The following LRRTM3 variants were observed in gnomAD, a reference collection of about 807,000 sequenced individuals.
LRRTM3 encodes the protein leucine-rich repeat transmembrane neuronal protein 3.
A neutral mutation model predicts 44.7 loss-of-function variants in LRRTM3; 24 were observed. That is an observed-to-expected ratio of 0.54 (90% CI 0.39 to 0.76). The LOEUF (loss-of-function observed/expected upper bound fraction) is 0.76. Among genes scored for constraint, LRRTM3 ranks in the 30% least tolerant of loss-of-function variants. The pLI is 0.00. For synonymous variants in LRRTM3, 277 were observed against 278.7 expected, an observed-to-expected ratio of 0.99 and a Z score of 0.06; for missense variants, 587 against 702.2, an observed-to-expected ratio of 0.84 and a Z score of 1.85.
intron 2 of LRRTM3, among the ~76,000 whole-genome samples, chr10:66,929,369 C>G (rs1244364337): frequency 2.0e-5 from 3 of 152,174 alleles, no homozygotes; most frequent in Non-Finnish European, 2.9e-5. Context: ...ACCAGAATTT[C>G]TCTTTCCAGT....
chr10:66,939,097 A>G (rs1847869465), intron 2 of LRRTM3, among the ~76,000 whole-genome samples: 1 of 152,076 alleles, frequency 6.6e-6, no homozygotes, highest in South Asian at 2.1e-4. Context: ...TTGGCCTCTG[A>G]TTTTACGCGT....
intron 2 of LRRTM3, among the ~76,000 whole-genome samples, chr10:67,088,812 ATATTG>A (rs1312415252): frequency 6.6e-5 from 10 of 152,092 alleles, no homozygotes; most frequent in Non-Finnish European, 1.3e-4. Context: ...CTGCAAATTT[ATATTG>A]AGTTCCTGCC....
At chr10:67,085,409 G>A (rs1237823629) in intron 2 of LRRTM3, among the ~76,000 whole-genome samples, 1 of 151,492 alleles carries the variant, frequency 6.6e-6, no homozygotes, top group African/African-American at 2.4e-5. Context: ...AAATGAGAGG[G>A]ACTAAAAGTA....
Position 66,927,937 on chromosome 10 carries a change from G to A in LRRTM3, c.1021G>A (p.Ala341Thr), listed in dbSNP as rs1847163659. Residue 341 changes from alanine (A) to threonine (T), a missense_variant, in exon 2 of 3, where the codon GCC becomes ACC. By Grantham distance (58) the Ala-to-Thr change is moderately conservative (BLOSUM62 0). Transcript: ENST00000361320. The surrounding 1 kb of genome is among the most constrained non-coding windows in gnomAD (Gnocchi z 4.7). The part of the protein sequence containing the change: ...KGLRENTIIC[A>T]SPKELQGVNV... ...TCTAAGGGAGAATACAATTATCTGT[G>A]CCAGTCCCAAAGAGCTGCAAGGAGT... 6.2e-7 allele frequency: 1 copy of A among 1,614,212 alleles called. No homozygotes were observed. The highest frequency in any genetic ancestry group is 8.5e-7 in the Non-Finnish European group (1 of 1,180,046).
At chr10:67,051,823 C>T (rs1160699065) in intron 2 of LRRTM3, among the ~76,000 whole-genome samples, 3 of 151,908 alleles carry the variant, frequency 2.0e-5, no homozygotes, top group South Asian at 2.1e-4. Context: ...GGCACCATCT[C>T]GGCTCACTGC....
At chr10:66,958,308 C>CAAA (rs35076056) in intron 2 of LRRTM3, among the ~76,000 whole-genome samples, 7 of 86,944 alleles carry the variant, frequency 8.1e-5, no homozygotes, top group African/African-American at 1.2e-4. Flanking sequence ...TGCTTTCTTG[C>CAAA]AAAAAAAAAA....
chr10:66,965,620 A>G (rs1054226113), intron 2 of LRRTM3, among the ~76,000 whole-genome samples: 6 of 150,608 alleles, frequency 4.0e-5, no homozygotes, highest in Admixed American at 2.6e-4. Context: ...AGGGCAAGAC[A>G]GTTCCCAAAA....
intron 2 of LRRTM3, among the ~76,000 whole-genome samples, chr10:66,989,490 C>T (rs562534934): frequency 6.6e-6 from 1 of 152,154 alleles, no homozygotes; most frequent in Admixed American, 6.5e-5. Flanking sequence ...GCTGCAGATG[C>T]CACACTATGG....
chr10:67,019,827 G>A lies in LRRTM3; in HGVS notation c.1537-77760G>A, dbSNP rs928142903. On this transcript the variant is annotated intron_variant, in intron 2 of 2. Coordinates refer to ENST00000361320, the MANE Select transcript of LRRTM3 (RefSeq NM_178011.5). Reference sequence around the variant, plus strand: ...CTCACTTTAAGTTCAAATTCTAAGCGTCCGTTTATGAACAAATCTGTTCCT... The same window carrying A: ...CTCACTTTAAGTTCAAATTCTAAGCATCCGTTTATGAACAAATCTGTTCCT... Among the ~76,000 whole-genome samples the A allele has an allele frequency of 7.9e-5, 12 of 152,158 alleles. No homozygotes were observed. In the South Asian group the frequency reaches 8.3e-4, roughly 11 times the overall value.
chr10:66,978,544 A>ATATATAT (rs1323272590), intron 2 of LRRTM3, among the ~76,000 whole-genome samples: 2 of 75,582 alleles, frequency 2.6e-5, no homozygotes, highest in South Asian at 5.2e-4. Context: ...AAAAAAAAAA[A>ATATATAT]AAAAAAAAAT....
chr10:67,076,111 T>C (rs1856733723), intron 2 of LRRTM3, among the ~76,000 whole-genome samples: 1 of 152,244 alleles, frequency 6.6e-6, no homozygotes, highest in African/African-American at 2.4e-5. Context: ...TGTAGAAAGA[T>C]GGGAGGGTGG....
chr10:67,010,399 A>G (rs2133034395), intron 2 of LRRTM3, among the ~76,000 whole-genome samples: 1 of 152,338 alleles, frequency 6.6e-6, no homozygotes, highest in East Asian at 1.9e-4. Flanking sequence ...ACCTTTGAAA[A>G]TAAAAAGTCA....
At chr10:67,078,731 T>C (rs1856873265) in intron 2 of LRRTM3, among the ~76,000 whole-genome samples, 1 of 152,112 alleles carries the variant, frequency 6.6e-6, no homozygotes, top group South Asian at 2.1e-4. Context: ...TTAGCCAGGA[T>C]GGTCTCAATC....
At chr10:67,080,949 A>C (rs1382229381) in intron 2 of LRRTM3, among the ~76,000 whole-genome samples, 9 of 150,404 alleles carry the variant, frequency 6.0e-5, no homozygotes, top group Non-Finnish European at 1.3e-4. Context: ...AAAAAAAAAA[A>C]CAAAGAAGAG....
In LRRTM3 at chr10:66,940,636, C is replaced by G. The variant is rs575976821; in HGVS notation, c.1536+12184C>G. On this transcript the variant is annotated intron_variant, in intron 2 of 2. Coordinates refer to ENST00000361320, the MANE Select transcript of LRRTM3 (RefSeq NM_178011.5). ...ACCCACAAATTATATTTCCAGAGGT[C>G]AAATTTGCATATAACTCCTTGAACT... Among the ~76,000 whole-genome samples, 5 of 152,256 alleles carry G rather than the reference C, an allele frequency of 3.3e-5. No individual in the cohort carries two copies. The East Asian group carries it at 9.6e-4, about 29-fold the overall frequency.
At chr10:66,957,979 G>C (rs374579621) in intron 2 of LRRTM3, among the ~76,000 whole-genome samples, 1 of 151,988 alleles carries the variant, frequency 6.6e-6, no homozygotes, top group African/African-American at 2.4e-5. Flanking sequence ...ATAAAGGTGA[G>C]CCTCTGTGGC....
intron 2 of LRRTM3, among the ~76,000 whole-genome samples, chr10:67,014,105 G>A (rs190197571): frequency 2.3e-3 from 351 of 152,166 alleles, no homozygotes; most frequent in African/African-American, 7.7e-3. Flanking sequence ...TTGTATTTTG[G>A]TTCATTGTAG....
intron 2 of LRRTM3, among the ~76,000 whole-genome samples, chr10:67,009,223 T>C (rs114123159): frequency 0.023 from 3,503 of 152,228 alleles, 162 homozygotes; most frequent in African/African-American, 0.08. Context: ...TATTCAAGAA[T>C]ACAAATTATA....
intron 2 of LRRTM3, among the ~76,000 whole-genome samples, chr10:66,958,704 A>C (rs1848962806): frequency 6.6e-6 from 1 of 152,140 alleles, no homozygotes; most frequent in Non-Finnish European, 1.5e-5. Flanking sequence ...ACCAGAGCCA[A>C]ATTTGACAAA....
Sources: allele counts gnomAD v4.1 joint callset (sites outside exome capture counted in the v4.1 genomes callset), GRCh38; gene constraint gnomAD v4.1.1; non-coding constraint Gnocchi (gnomAD v3.1); transcripts MANE v1.5; gene names NCBI Gene and HGNC (gene_info 2026-07-23, HGNC 2026-07-21).